Variants in NALF1 observed in about 807,000 individuals in gnomAD.
NALF1 encodes family with sequence similarity 155 member A.
In NALF1, 3 loss-of-function variants were observed where a neutral mutation model predicts 48.4. The observed-to-expected ratio is 0.06, with a 90% CI of 0.03 to 0.16. The LOEUF (loss-of-function observed/expected upper bound fraction) is 0.16, where lower values mean the gene tolerates loss of function less well. Ranked by LOEUF, NALF1 falls within the 10% of genes least tolerant of loss-of-function variation. The pLI, the probability that NALF1 is intolerant of heterozygous loss-of-function variation, is 1.00. For missense variants in NALF1, 526 were observed against 571.5 expected, an observed-to-expected ratio of 0.92 and a Z score of 0.81; for synonymous variants, 262 against 245.7, an observed-to-expected ratio of 1.07 and a Z score of -0.62.
rs995571212 is a variant in NALF1 at position 107,734,231 on chromosome 13, C to T, written c.915+131451G>A. ...TCATGGCAGGGCACATGACCGTCTA[C>T]GATAATGAATCTGGTCTTGCCACCA... On this transcript the variant is annotated intron_variant, in intron 1 of 2. Coordinates refer to ENST00000375915, the MANE Select transcript of NALF1 (RefSeq NM_001080396.3). Among the ~76,000 whole-genome samples the T allele has an allele frequency of 8.5e-5, 13 of 152,118 alleles. No individual in the cohort carries two copies. In the East Asian group the frequency reaches 9.7e-4, roughly 11 times the overall value.
intron 1 of NALF1, among the ~76,000 whole-genome samples, chr13:107,614,567 A>G (rs1879326809): frequency 6.6e-6 from 1 of 152,208 alleles, no homozygotes; most frequent in African/African-American, 2.4e-5. Flanking sequence ...TTAGAACATT[A>G]TAAGTGCTGG....
intron 1 of NALF1, among the ~76,000 whole-genome samples, chr13:107,456,744 C>T (rs753056777): frequency 7.2e-5 from 11 of 152,072 alleles, no homozygotes; most frequent in Non-Finnish European, 1.6e-4. Flanking sequence ...CATGCTGGCA[C>T]GTGGTAAGTT....
intron 1 of NALF1, among the ~76,000 whole-genome samples, chr13:107,618,650 G>A (rs773419987): frequency 2.6e-5 from 4 of 152,260 alleles, no homozygotes; most frequent in Non-Finnish European, 5.9e-5. Flanking sequence ...GCAATTTGGA[G>A]GATTTGCTGG....
chr13:107,846,719 T>C (rs573176538), intron 1 of NALF1, among the ~76,000 whole-genome samples: 2 of 152,316 alleles, frequency 1.3e-5, no homozygotes, highest in East Asian at 3.9e-4. Context: ...AGGAGGAGTT[T>C]CCAGACTTCT....
chr13:107,865,991 C>A lies in NALF1; in HGVS notation c.606G>T (p.Gly202=), dbSNP rs765937677. Residue 202 remains glycine (G), a synonymous_variant, in exon 1 of 3, where the codon GGG becomes GGT. Coordinates refer to ENST00000375915, the MANE Select transcript of NALF1 (RefSeq NM_001080396.3). ...GCTTGCTCCTCACCTCCTGCCCGTC[C>A]CCCCCGGCCGCCCCCCGACTCCAGT... The part of the protein sequence containing the change: ...ARNWSRGAAG[G]DGQEVRSKHP... The A allele has an allele frequency of 4.3e-6, 7 of 1,612,432 alleles. 1 individual carries two copies. In the South Asian group the frequency reaches 5.5e-5, roughly 13 times the overall value.
chr13:107,301,325 A>G (rs975916079), intron 1 of NALF1, among the ~76,000 whole-genome samples: 1 of 152,234 alleles, frequency 6.6e-6, no homozygotes, highest in African/African-American at 2.4e-5. Flanking sequence ...TAAGAATTAA[A>G]AAGCGAAAAA....
intron 1 of NALF1, among the ~76,000 whole-genome samples, chr13:107,781,402 G>A (rs560034957): frequency 6.6e-6 from 1 of 152,002 alleles, no homozygotes; most frequent in South Asian, 2.1e-4. Flanking sequence ...ATAATTTACA[G>A]ATTTTTTTAA....
chr13:107,515,247 T>C (rs1032866802), intron 1 of NALF1, among the ~76,000 whole-genome samples: 9 of 152,168 alleles, frequency 5.9e-5, no homozygotes, highest in Non-Finnish European at 1.3e-4. Flanking sequence ...ATGACAGTGA[T>C]GACAGTAAGA....
intron 1 of NALF1, among the ~76,000 whole-genome samples, chr13:107,621,855 G>C (rs892395927): frequency 1.3e-5 from 2 of 152,178 alleles, no homozygotes; most frequent in Non-Finnish European, 2.9e-5. Context: ...CTTAAGTCTA[G>C]ATAACTGAGT....
At chr13:107,764,746 C>A (rs1877375527) in intron 1 of NALF1, among the ~76,000 whole-genome samples, 1 of 152,132 alleles carries the variant, frequency 6.6e-6, no homozygotes, top group African/African-American at 2.4e-5. Flanking sequence ...ATGATTGGTG[C>A]AAACAGTGCC....
At chr13:107,655,958 T>C (rs993190381) in intron 1 of NALF1, among the ~76,000 whole-genome samples, 1 of 151,992 alleles carries the variant, frequency 6.6e-6, no homozygotes, top group Admixed American at 6.6e-5. Flanking sequence ...GCTAGCCACA[T>C]GTAAAATAAT....
intron 1 of NALF1, among the ~76,000 whole-genome samples, chr13:107,521,850 G>A (rs540943305): frequency 6.6e-6 from 1 of 152,024 alleles, no homozygotes; most frequent in South Asian, 2.1e-4. Context: ...GGTCTGTTCA[G>A]GATCTTGGTG....
At chr13:107,351,530 T>G (rs1424537417) in intron 1 of NALF1, among the ~76,000 whole-genome samples, 1 of 152,168 alleles carries the variant, frequency 6.6e-6, no homozygotes, top group African/African-American at 2.4e-5. Context: ...ACTTGCCCAG[T>G]AACAGCATCT....
intron 1 of NALF1, among the ~76,000 whole-genome samples, chr13:107,712,847 A>G (rs963424278): frequency 6.6e-6 from 1 of 152,234 alleles, no homozygotes; most frequent in African/African-American, 2.4e-5. Flanking sequence ...CCCTAAATTC[A>G]AAAGACTTTC....
chr13:107,567,025 A>C (rs1320201522), intron 1 of NALF1, among the ~76,000 whole-genome samples: 11 of 152,242 alleles, frequency 7.2e-5, no homozygotes, highest in Non-Finnish European at 1.2e-4. Context: ...TTACAAAGGC[A>C]TAAAAATAAC....
chr13:107,610,130 G>T (rs531877597), intron 1 of NALF1, among the ~76,000 whole-genome samples: 1 of 152,120 alleles, frequency 6.6e-6, no homozygotes, highest in Non-Finnish European at 1.5e-5. Flanking sequence ...AAAGATATGG[G>T]GAAAAATAAA....
chr13:107,366,349 A>C (rs1412617146), intron 1 of NALF1, among the ~76,000 whole-genome samples: 1 of 152,180 alleles, frequency 6.6e-6, no homozygotes. Flanking sequence ...CATTATAATC[A>C]CTTTGGCTTT....
At chr13:107,476,995 GA>G (rs1885184587) in intron 1 of NALF1, among the ~76,000 whole-genome samples, 1 of 152,074 alleles carries the variant, frequency 6.6e-6, no homozygotes, top group South Asian at 2.1e-4. Flanking sequence ...TGCAATGCTT[GA>G]AACTCTCACT....
intron 1 of NALF1, among the ~76,000 whole-genome samples, chr13:107,277,967 C>G (rs1462513856): frequency 2.0e-5 from 3 of 152,148 alleles, no homozygotes; most frequent in Non-Finnish European, 4.4e-5. Flanking sequence ...TGCCTCTGAC[C>G]TTGCTGCTTT....
Sources: gnomAD v4.1 joint callset for allele counts (sites outside exome capture counted in the v4.1 genomes callset) on GRCh38, gnomAD v4.1.1 for gene constraint, MANE v1.5 for transcripts, NCBI Gene and HGNC (gene_info 2026-07-23, HGNC 2026-07-21) for gene names.